Variants in CYFIP2 observed in about 807,000 individuals in gnomAD.
CYFIP2 encodes cytoplasmic FMR1-interacting protein 2.
CYFIP2 carries 29 observed loss-of-function variants against 158.7 expected under a neutral mutation model. The observed-to-expected ratio is 0.18, with a 90% confidence interval of 0.14 to 0.25. The LOEUF is 0.25. Ranked by LOEUF, CYFIP2 falls within the 10% of genes least tolerant of loss-of-function variation. The pLI is 1.00. For synonymous variants in CYFIP2, 585 were observed against 617.6 expected (o/e 0.95, Z 0.78); for missense variants, 852 against 1,639.5 (o/e 0.52, Z 8.29).
At chr5:157,304,200 C>A in intron 7 of CYFIP2, 38 bp from the exon 8 acceptor site, 1 of 1,594,294 alleles carries the variant, frequency 6.3e-7, no homozygotes, top group Non-Finnish European at 8.5e-7. Flanking sequence ...GCACAGGATA[C>A]ATGCGCTGCC....
intron 23 of CYFIP2, among the ~76,000 whole-genome samples, chr5:157,353,683 C>T (rs1432166020): frequency 1.3e-5 from 2 of 152,304 alleles, no homozygotes; most frequent in East Asian, 3.9e-4. Flanking sequence ...CTTTATTTAC[C>T]TGCAGTGATT....
chr5:157,343,563 G>T, intron 23 of CYFIP2: 1 of 1,517,878 alleles, frequency 6.6e-7, no homozygotes. Context: ...GAATCAAAGT[G>T]AAGAGTGACA....
Position 157,389,317 on chromosome 5 carries a change from G to A in CYFIP2, c.3336G>A (p.Pro1112=), listed in dbSNP as rs114967929. Residue 1112 remains proline, a synonymous_variant, in exon 29 of 31, where the codon CCG becomes CCA. Transcript: ENST00000620254. ...YLQDPIWRGP[P]PTNGVMHVDE... Reference sequence around the variant, plus strand: ...AGGACCCCATCTGGCGGGGCCCACCGCCCACCAATGGCGTCATGCACGTCG... The same window carrying A: ...AGGACCCCATCTGGCGGGGCCCACCACCCACCAATGGCGTCATGCACGTCG... The A allele has an allele frequency of 5.6e-4, 899 of 1,614,000 alleles. 3 individuals carry two copies. The African/African-American group carries it at 0.01, about 19-fold the overall frequency.
chr5:157,305,736 A>G (rs1490175882), intron 8 of CYFIP2, among the ~76,000 whole-genome samples: 5 of 152,158 alleles, frequency 3.3e-5, no homozygotes, highest in Admixed American at 6.5e-5. Flanking sequence ...GCTGGTCTTG[A>G]ACTCCTGGGC....
rs1760532302 is a variant in CYFIP2 at position 157,320,786 on chromosome 5, G to T, written c.1655G>T (p.Gly552Val). 1 of 1,599,342 alleles carries T rather than the reference G, an allele frequency of 6.3e-7. No individual in the cohort carries two copies. Among genetic ancestry groups the T allele is most frequent in the African/African-American group, 1.3e-5 (1 of 74,580 alleles). ...ATCAAGGTGCCCCGGCGTGCTGTGG[G>T]GCCATCCAGCACACAGGTAAGCGGC... is the stretch of plus-strand genomic sequence containing the variant. Reference protein sequence around the residue: ...FDIKVPRRAVGPSSTQLYMVR... With the variant: ...FDIKVPRRAVVPSSTQLYMVR... The change falls in exon 15 of 31, where the codon GGG (glycine) becomes GTG (valine). Residue 552 changes from glycine to valine, a missense_variant. Transcript: ENST00000620254.
At chr5:157,304,618 T>C (rs1487454097) in intron 8 of CYFIP2, 2 of 347,784 alleles carry the variant, frequency 5.8e-6, no homozygotes. Flanking sequence ...TATTGGAACA[T>C]TGTCATGTAA....
chr5:157,326,857 T>C (rs1761063612), intron 18 of CYFIP2, among the ~76,000 whole-genome samples: 1 of 152,180 alleles, frequency 6.6e-6, no homozygotes, highest in South Asian at 2.1e-4. Context: ...AACACAGCGC[T>C]GGGGTTTTGT....
chr5:157,365,140 G>C (rs980332785), intron 26 of CYFIP2: 54 of 152,012 alleles, frequency 3.6e-4, no homozygotes, highest in African/African-American at 1.2e-3. Flanking sequence ...TCCAGGATTA[G>C]AGGTCAACAG....
At position 157,320,053 on chromosome 5, in the gene CYFIP2, T is replaced by C. The variant is rs971204153; in HGVS notation, c.1523+125T>C. The C allele has an allele frequency of 8.4e-6, 10 of 1,185,012 alleles. No homozygotes were observed. The African/African-American group carries it at 1.2e-4, about 14-fold the overall frequency. The allele number at this position is 1,185,012 out of a possible 1,614,324, so 73.4% of individuals were successfully genotyped here. A position where few individuals can be genotyped will look rare whatever the true frequency, so the allele number is the denominator to read the frequency against. On this transcript the variant is annotated intron_variant, in intron 14 of 30. Coordinates refer to ENST00000620254, the MANE Select transcript of CYFIP2 (RefSeq NM_001037333.3). ...TTCCAGCAAGCTCCAGAGGGCTCTT[T>C]AGGAGATTGGGCATTTGGGATGAAT...
chr5:157,333,552 G>C, intron 21 of CYFIP2, 106 bp downstream of exon 21: 2 of 1,467,816 alleles, frequency 1.4e-6, no homozygotes, highest in African/African-American at 1.4e-5. Flanking sequence ...AAGAGGGGCA[G>C]TGAGTCTCTT....
chr5:157,391,158 G>A (rs1767243260), intron 30 of CYFIP2, among the ~76,000 whole-genome samples: 1 of 152,046 alleles, frequency 6.6e-6, no homozygotes, highest in Admixed American at 6.6e-5. Flanking sequence ...CAGCAAAGGT[G>A]GTATGGGGCG....
intron 7 of CYFIP2, chr5:157,303,139 G>A (rs2113896276): frequency 4.8e-6 from 2 of 414,736 alleles, no homozygotes; most frequent in Non-Finnish European, 8.7e-6. Flanking sequence ...CTGCATCAGG[G>A]TTGAGAACGT....
chr5:157,389,800 G>A (rs1210779729), intron 29 of CYFIP2, among the ~76,000 whole-genome samples: 2 of 152,184 alleles, frequency 1.3e-5, no homozygotes, highest in African/African-American at 2.4e-5. Context: ...AAGGCGTGGT[G>A]GGGAGAGGAG....
At chr5:157,271,969 TCAG>T (rs1405775015) in intron 1 of CYFIP2, among the ~76,000 whole-genome samples, 1 of 152,064 alleles carries the variant, frequency 6.6e-6, no homozygotes, top group Non-Finnish European at 1.5e-5. Context: ...CAGGAGCAAA[TCAG>T]CAAGCCACCT....
intron 23 of CYFIP2, chr5:157,345,532 A>G (rs574190069): frequency 6.6e-6 from 1 of 152,564 alleles, no homozygotes; most frequent in Admixed American, 6.5e-5. Flanking sequence ...AGCCATCTAT[A>G]TGTCTTACCT....
chr5:157,391,112 G>A lies in CYFIP2; in HGVS notation c.3594+444G>A, dbSNP rs547716895. ...TCCCAGGAGAGGGAGGCTGTGTCTG[G>A]GCTGACTCCAGAATGGCCCGCAGCA... On this transcript the variant is annotated intron_variant, in intron 30 of 30. Transcript: ENST00000620254. Among the ~76,000 whole-genome samples the A allele has an allele frequency of 2.0e-5, 3 of 152,120 alleles. No homozygotes were observed. In the South Asian group the frequency reaches 6.2e-4, roughly 32 times the overall value.
rs1490907155 is a variant in CYFIP2, at chr5:157,379,913, A to G, written c.3040-2677A>G. On this transcript the variant is annotated intron_variant, in intron 26 of 30. Transcript: ENST00000620254. ...AGACTGGAGTTTCATTATTACTCAAATCAGTCTCCTTGAGCATTCGGGAAT... is the reference window on the plus strand; with the variant it reads ...AGACTGGAGTTTCATTATTACTCAAGTCAGTCTCCTTGAGCATTCGGGAAT... 6 of 152,296 alleles carry G rather than the reference A, an allele frequency of 3.9e-5. No homozygotes were observed. In the East Asian group the frequency reaches 7.7e-4, roughly 20 times the overall value. The allele number at this position is 152,296 out of a possible 1,614,324, so 9.4% of individuals were successfully genotyped here. A position where few individuals can be genotyped will look rare whatever the true frequency, so the allele number is the denominator to read the frequency against.
chr5:157,358,695 G>A (rs979897449), intron 23 of CYFIP2, among the ~76,000 whole-genome samples: 1 of 152,164 alleles, frequency 6.6e-6, no homozygotes, highest in Non-Finnish European at 1.5e-5. Context: ...GGCTCAATTT[G>A]TAAAACTCCT....
intron 13 of CYFIP2, among the ~76,000 whole-genome samples, chr5:157,316,852 A>T (rs1760188837): frequency 6.6e-6 from 1 of 152,192 alleles, no homozygotes; most frequent in South Asian, 2.1e-4. Flanking sequence ...TAGAGTCGTC[A>T]TCTCTCCAAG....
Sources: gnomAD v4.1 joint callset for allele counts (sites outside exome capture counted in the v4.1 genomes callset) on GRCh38, gnomAD v4.1.1 for gene constraint, MANE v1.5 for transcripts, NCBI Gene and HGNC (gene_info 2026-07-23, HGNC 2026-07-21) for gene names.